Variants in IRF6 observed in about 807,000 individuals in gnomAD.
The protein encoded by IRF6 is Van der Woude syndrome.
IRF6 carries 6 observed loss-of-function variants against 51.4 expected under a neutral mutation model. That is an observed-to-expected ratio of 0.12 (90% CI 0.06 to 0.23). IRF6 has a LOEUF of 0.23. IRF6 is among the 10% of genes least tolerant of loss of function. IRF6 has a pLI of 1.00. For synonymous variants in IRF6, 178 were observed against 215.7 expected (o/e 0.83, Z 1.53); for missense variants, 348 against 585.2 (o/e 0.59, Z 4.18).
intron 3 of IRF6, among the ~76,000 whole-genome samples, chr1:209,800,144 G>C (rs1194756703): frequency 6.6e-6 from 1 of 152,194 alleles, no homozygotes; most frequent in Non-Finnish European, 1.5e-5. Flanking sequence ...TGGGATGCAG[G>C]AACTAAAGCT....
chr1:209,792,389 C>T lies in IRF6; in HGVS notation c.547G>A (p.Val183Met), dbSNP rs2077874591. ...MAPASVGNCS[V>M]GNCSPEAVWP... ...ACTGCCTCCGGGCTGCAGTTGCCCACACTGCAATTGCCCACACTGGCTGGC... is the reference window on the plus strand; with the variant it reads ...ACTGCCTCCGGGCTGCAGTTGCCCATACTGCAATTGCCCACACTGGCTGGC... The change falls in exon 6 of 9, where the codon GTG (valine) becomes ATG (methionine). Residue 183 changes from valine to methionine, a missense_variant. By Grantham distance (21) the Val-to-Met change is conservative. Around this residue, in one of 5 missense-constraint regions of IRF6, gnomAD observed 124 missense variants for 141.6 expected, o/e 0.88. Coordinates refer to ENST00000367021, the MANE Select transcript of IRF6 (RefSeq NM_006147.4). 6.2e-7 allele frequency: 1 copy of T among 1,614,186 alleles called. No homozygotes were observed. The highest frequency in any genetic ancestry group is 1.7e-5 in the Admixed American group (1 of 60,024).
intron 5 of IRF6, chr1:209,793,288 A>G (rs1201050556): frequency 3.3e-5 from 5 of 152,210 alleles, no homozygotes; most frequent in Non-Finnish European, 5.9e-5. Flanking sequence ...ATTTATGGGA[A>G]CTGGTTAAAT....
intron 5 of IRF6, chr1:209,792,816 G>A (rs553517651): frequency 1.6e-4 from 47 of 289,748 alleles, no homozygotes; most frequent in African/African-American, 8.7e-4. Context: ...GATTAGCTTC[G>A]AGTAAGTGTT....
At chr1:209,793,427 A>G (rs2077881171) in intron 5 of IRF6, among the ~76,000 whole-genome samples, 1 of 152,238 alleles carries the variant, frequency 6.6e-6, no homozygotes, top group Admixed American at 6.5e-5. Context: ...GAAATAGGAA[A>G]TCAGGATCCT....
At chr1:209,801,070 A>G (rs943407850) in intron 3 of IRF6, among the ~76,000 whole-genome samples, 170 bp downstream of exon 3, 11 of 151,386 alleles carry the variant, frequency 7.3e-5, no homozygotes, top group African/African-American at 2.7e-4. Context: ...GGCTTCAACC[A>G]TTGCAGACAT....
rs772201911 is a variant in IRF6, at chr1:209,792,451, C to T, written c.509-24G>A. 3.7e-6 allele frequency: 6 copies of T among 1,611,704 alleles called. No individual in the cohort carries two copies. The Admixed American group carries it at 6.7e-5, about 18-fold the overall frequency. ...ACCTAAAACAAAAGCATATGGTGAGCAGACAGGGGTACCACACGTGCACAT... is the reference window on the plus strand; with the variant it reads ...ACCTAAAACAAAAGCATATGGTGAGTAGACAGGGGTACCACACGTGCACAT... On this transcript the variant is annotated intron_variant, in intron 5 of 8. Transcript: ENST00000367021.
Position 209,787,643 on chromosome 1 carries a change from T to G in IRF6, c.*777A>C, listed in dbSNP as rs2077843008. Reference sequence around the variant, plus strand: ...CCCCCCAACACACACACACTGGTATTTGAGTGGTAATAAGGTAAATGCCTG... The same window carrying G: ...CCCCCCAACACACACACACTGGTATGTGAGTGGTAATAAGGTAAATGCCTG... On this transcript the variant is annotated 3_prime_UTR_variant, in exon 9 of 9. Transcript: ENST00000367021. 7.0e-6 allele frequency: 1 copy of G among 143,536 alleles called. No homozygotes were observed. The highest frequency in any genetic ancestry group is 2.5e-5 in the African/African-American group (1 of 39,366). 8.9% of individuals were successfully genotyped at this position (143,536 alleles called of 1,614,324 possible). A position where few individuals can be genotyped will look rare whatever the true frequency, so the allele number is the denominator to read the frequency against.
chr1:209,805,572 C>T (rs537794301), intron 1 of IRF6, among the ~76,000 whole-genome samples: 1 of 152,350 alleles, frequency 6.6e-6, no homozygotes, highest in South Asian at 2.1e-4. Flanking sequence ...GACCTGCGGA[C>T]CTGGGAAGTC....
Position 209,796,327 on chromosome 1 carries a change from C to G in IRF6, c.379+21G>C, listed in dbSNP as rs772788773. On this transcript the variant is annotated intron_variant, in intron 4 of 8. Transcript: ENST00000367021. The surrounding 1 kb of genome is among the most constrained non-coding windows in gnomAD (Gnocchi z 4.5). ...GAATCTGGCATGCTGCCCACCTTCT[C>G]CCCAGCACCTGGGGCCTCACCTGGG... is the stretch of plus-strand genomic sequence containing the variant. 6.2e-7 allele frequency: 1 copy of G among 1,609,562 alleles called. No homozygotes were observed. Among genetic ancestry groups the G allele is most frequent in the South Asian group, 1.1e-5 (1 of 90,962 alleles).
intron 6 of IRF6, 49 bp downstream of exon 6, chr1:209,792,220 T>C (rs2077872723): frequency 6.4e-7 from 1 of 1,567,518 alleles, no homozygotes; most frequent in African/African-American, 1.4e-5. Flanking sequence ...CAGGAAAGAG[T>C]CTATAATAGA....
At chr1:209,798,817 G>T (rs1043876185) in intron 3 of IRF6, among the ~76,000 whole-genome samples, 2 of 148,674 alleles carry the variant, frequency 1.3e-5, no homozygotes, top group Non-Finnish European at 3.0e-5. Flanking sequence ...GCTGAGGCAG[G>T]AGAATCGCTT....
At chr1:209,793,663 C>T (rs959726813) in intron 5 of IRF6, among the ~76,000 whole-genome samples, 59 of 152,194 alleles carry the variant, frequency 3.9e-4, no homozygotes, top group Admixed American at 6.5e-4. Context: ...ATTATTTCGT[C>T]ACCTAGTTAA....
At position 209,788,479 on chromosome 1, in the gene IRF6, A is replaced by G; in HGVS notation, c.1345T>C (p.Trp449Arg). The change falls in exon 9 of 9, where the codon TGG becomes CGG. Residue 449 changes from tryptophan to arginine, a missense_variant. This residue lies in a region of IRF6 where 48 missense variants were observed against 66.9 expected (regional missense o/e 0.72). Transcript: ENST00000367021. ...LYRILQTQES[W>R]QPMQPTPSMQ... is the part of the protein sequence containing the mutation. ...CTGGGGGTGGGCTGCATGGGCTGCC[A>G]GCTCTCCTGGGTTTGAAGGATGCGG... 1 of 1,614,158 alleles carries G rather than the reference A, an allele frequency of 6.2e-7. No individual in the cohort carries two copies. The highest frequency in any genetic ancestry group is 8.5e-7 in the Non-Finnish European group (1 of 1,180,034).
At chr1:209,794,080 T>C (rs1349333735) in intron 5 of IRF6, among the ~76,000 whole-genome samples, 1 of 152,170 alleles carries the variant, frequency 6.6e-6, no homozygotes, top group Admixed American at 6.5e-5. Flanking sequence ...TTCTTTTGGG[T>C]ATATACCCAA....
Position 209,795,330 on chromosome 1 carries a change from A to G in IRF6, c.468T>C (p.His156=). The G allele has an allele frequency of 6.2e-7, 1 of 1,614,212 alleles. No homozygotes were observed. Among genetic ancestry groups the G allele is most frequent in the Non-Finnish European group, 8.5e-7 (1 of 1,180,030 alleles). The change falls in exon 5 of 9, where the codon CAT becomes CAC. Residue 156 remains histidine, a synonymous_variant. Coordinates refer to ENST00000367021, the MANE Select transcript of IRF6 (RefSeq NM_006147.4). ...AGGGGAAGGTGTCCTGGATGGGAACATGGTGCTGCGACTGATCCAGCTCAT... is the reference window on the plus strand; with the variant it reads ...AGGGGAAGGTGTCCTGGATGGGAACGTGGTGCTGCGACTGATCCAGCTCAT... ...EEDELDQSQH[H]VPIQDTFPFL... is the part of the protein sequence containing the mutation.
At chr1:209,801,524 T>C in intron 2 of IRF6, 108 bp from the exon 3 acceptor site, 2 of 887,088 alleles carry the variant, frequency 2.3e-6, no homozygotes, top group South Asian at 3.6e-5. Context: ...TTCACTAGAT[T>C]ACAGCAAAGA....
rs954673856 is a variant in IRF6 at position 209,794,112 on chromosome 1, AG to A, written c.508+1177del. On this transcript the variant is annotated intron_variant, in intron 5 of 8. Coordinates refer to ENST00000367021, the MANE Select transcript of IRF6 (RefSeq NM_006147.4). ...CCAATAATAGGATTGCTGGGCCAAAAGGTGATTCTGTTTCAAGTTCTTTGAG... is the reference window on the plus strand; with the variant it reads ...CCAATAATAGGATTGCTGGGCCAAAAGTGATTCTGTTTCAAGTTCTTTGAG... Among the ~76,000 whole-genome samples the A allele has an allele frequency of 2.0e-5, 3 of 152,222 alleles. 1 individual carries two copies. The highest frequency in any genetic ancestry group is 7.2e-5 in the African/African-American group (3 of 41,458).
At chr1:209,792,121 A>G (rs1264421111) in intron 6 of IRF6, 148 bp downstream of exon 6, 8 of 852,172 alleles carry the variant, frequency 9.4e-6, no homozygotes. Context: ...CTGGTGACTC[A>G]TGGGCTAGCC....
rs1174870096 is a variant in IRF6, at chr1:209,785,644, T to C, written c.*2776A>G. The C allele has an allele frequency of 6.6e-6, 1 of 152,230 alleles. No homozygotes were observed. The highest frequency in any genetic ancestry group is 2.4e-5 in the African/African-American group (1 of 41,460). 9.4% of individuals were successfully genotyped at this position (152,230 alleles called of 1,614,324 possible). ...TTAGAACGTTTTCCTTCCCCGCATT[T>C]ATTTAATTTTCCCATGGTGGTTAAC... is the stretch of plus-strand genomic sequence containing the variant. On this transcript the variant is annotated 3_prime_UTR_variant, in exon 9 of 9. Coordinates refer to ENST00000367021, the MANE Select transcript of IRF6 (RefSeq NM_006147.4).
Sources: allele counts gnomAD v4.1 joint callset (sites outside exome capture counted in the v4.1 genomes callset), GRCh38; gene constraint gnomAD v4.1.1; regional missense constraint gnomAD v4.1.1; non-coding constraint Gnocchi (gnomAD v3.1); transcripts MANE v1.5; gene names NCBI Gene and HGNC (gene_info 2026-07-23, HGNC 2026-07-21).